Variants in EGFLAM observed in about 807,000 individuals in gnomAD.
EGFLAM encodes the protein pikachurin.
Under a neutral mutation model 113.1 loss-of-function variants are expected in EGFLAM, and 79 were observed. The observed-to-expected ratio is 0.70, with a 90% CI of 0.58 to 0.84. EGFLAM has a LOEUF of 0.84. Among genes scored for constraint, EGFLAM ranks in the 40% least tolerant of loss-of-function variants. The pLI, the probability that EGFLAM is intolerant of heterozygous loss-of-function variation, is 0.00. For synonymous variants in EGFLAM, 504 were observed against 487.6 expected (o/e 1.03, Z -0.44); for missense variants, 1,265 against 1,291.6 (o/e 0.98, Z 0.32).
At chr5:38,380,575 G>A (rs541989826) in intron 6 of EGFLAM, among the ~76,000 whole-genome samples, 1 of 152,314 alleles carries the variant, frequency 6.6e-6, no homozygotes, top group East Asian at 1.9e-4. Flanking sequence ...GGGAACAGTA[G>A]GAGCGATAAA....
intron 9 of EGFLAM, 72 bp downstream of exon 9, chr5:38,407,977 T>TG (rs1741348242): frequency 8.0e-7 from 1 of 1,249,048 alleles, no homozygotes; most frequent in South Asian, 1.2e-5. Flanking sequence ...ATTCAAAGGC[T>TG]GGGGGAGAGG....
intron 5 of EGFLAM, among the ~76,000 whole-genome samples, chr5:38,361,345 A>G (rs541820481): frequency 5.9e-5 from 9 of 152,266 alleles, no homozygotes; most frequent in South Asian, 2.1e-4. Flanking sequence ...TTTACTTGCA[A>G]TACTCAGCAC....
chr5:38,301,604 T>C (rs1758580194), intron 1 of EGFLAM, among the ~76,000 whole-genome samples: 1 of 151,918 alleles, frequency 6.6e-6, no homozygotes, highest in Non-Finnish European at 1.5e-5. Flanking sequence ...CAATAGTAGG[T>C]TTAAGTGATG....
intron 1 of EGFLAM, among the ~76,000 whole-genome samples, chr5:38,274,029 TAA>T (rs770792749): frequency 2.0e-5 from 3 of 151,870 alleles, no homozygotes; most frequent in Non-Finnish European, 2.9e-5. Context: ...AGAGAAATAT[TAA>T]AAAATCAAAT....
intron 1 of EGFLAM, among the ~76,000 whole-genome samples, chr5:38,330,350 C>T (rs900859976): frequency 2.6e-5 from 4 of 152,138 alleles, no homozygotes; most frequent in Non-Finnish European, 5.9e-5. Flanking sequence ...CATGAGAACT[C>T]ATCATTCCAG....
chr5:38,455,256 G>A (rs1319083489), intron 19 of EGFLAM, among the ~76,000 whole-genome samples: 3 of 152,178 alleles, frequency 2.0e-5, no homozygotes, highest in Admixed American at 6.5e-5. Context: ...AGGTATTTCC[G>A]GGTGGCCCAC....
rs183220256 is a variant in EGFLAM at position 38,325,442 on chromosome 5, G to A, written c.98-12078G>A. 2.2e-3 allele frequency among the ~76,000 whole-genome samples: 329 copies of A among 152,298 alleles called. 1 individual carries two copies. The highest frequency in any genetic ancestry group is 7.4e-3 in the African/African-American group (309 of 41,562). Reference sequence around the variant, plus strand: ...ACAAAGGAAACAGACAAAGATGGCAGCAATAACATTTGAGAAACCGAAATG... The same window carrying A: ...ACAAAGGAAACAGACAAAGATGGCAACAATAACATTTGAGAAACCGAAATG... On this transcript the variant is annotated intron_variant, in intron 1 of 21. Transcript: ENST00000322350.
intron 1 of EGFLAM, among the ~76,000 whole-genome samples, chr5:38,268,095 G>A (rs146710365): frequency 4.6e-5 from 7 of 152,248 alleles, no homozygotes; most frequent in Non-Finnish European, 7.4e-5. Flanking sequence ...CGGCAAGATG[G>A]TTTGTTGATT....
At chr5:38,289,455 G>T (rs182594484) in intron 1 of EGFLAM, among the ~76,000 whole-genome samples, 1 of 152,284 alleles carries the variant, frequency 6.6e-6, no homozygotes, top group East Asian at 1.9e-4. Context: ...AACAAATGTG[G>T]TTCATGCTAC....
At chr5:38,421,992 C>T (rs747344654) in intron 12 of EGFLAM, among the ~76,000 whole-genome samples, 4 of 151,918 alleles carry the variant, frequency 2.6e-5, no homozygotes, top group Non-Finnish European at 4.4e-5. Context: ...TGACAAATAA[C>T]GGTGTGATCC....
chr5:38,435,806 C>CTTTTTTTTTTT (rs60461690), intron 16 of EGFLAM, among the ~76,000 whole-genome samples: 2 of 88,924 alleles, frequency 2.2e-5, no homozygotes, highest in Admixed American at 1.4e-4. Flanking sequence ...CCGGCTCTCT[C>CTTTTTTTTTTT]TTTTTTTTTT....
At chr5:38,445,393 C>A in intron 17 of EGFLAM, 4 of 1,078,502 alleles carry the variant, frequency 3.7e-6, no homozygotes, top group Non-Finnish European at 4.9e-6. Context: ...TGTCAGACAG[C>A]TGATTCTAAA....
intron 20 of EGFLAM, chr5:38,461,114 C>T (rs1022009678): frequency 6.6e-6 from 1 of 152,186 alleles, no homozygotes; most frequent in Non-Finnish European, 1.5e-5. Context: ...AGGTATCATG[C>T]CCTGTGCTTT....
intron 1 of EGFLAM, among the ~76,000 whole-genome samples, chr5:38,322,505 C>T (rs986665763): frequency 2.0e-5 from 3 of 152,192 alleles, no homozygotes; most frequent in South Asian, 4.1e-4. Flanking sequence ...AGGAGCTGTT[C>T]CAAGTGGCTG....
At chr5:38,336,592 C>CACACACACACACAG (rs1554048279) in intron 1 of EGFLAM, among the ~76,000 whole-genome samples, 18 of 151,650 alleles carry the variant, frequency 1.2e-4, no homozygotes, top group African/African-American at 4.4e-4. Flanking sequence ...CACACACACA[C>CACACACACACACAG]ACACACAGAC....
intron 20 of EGFLAM, among the ~76,000 whole-genome samples, chr5:38,459,022 C>T (rs527951164): frequency 3.3e-5 from 5 of 151,866 alleles, no homozygotes; most frequent in African/African-American, 1.2e-4. Context: ...ATCCTCCCCC[C>T]TCCCTCTGGC....
At chr5:38,384,384 A>G (rs926851698) in intron 6 of EGFLAM, among the ~76,000 whole-genome samples, 2 of 152,036 alleles carry the variant, frequency 1.3e-5, no homozygotes, top group African/African-American at 4.8e-5. Flanking sequence ...CAGAGACCCC[A>G]CTTACATGCG....
chr5:38,270,297 A>G (rs1440804322), intron 1 of EGFLAM, among the ~76,000 whole-genome samples: 1 of 152,212 alleles, frequency 6.6e-6, no homozygotes, highest in Non-Finnish European at 1.5e-5. Flanking sequence ...GACCACCCAG[A>G]TGACACTCTG....
rs1742179766 is a variant in EGFLAM, at chr5:38,431,274, G to A, written c.2152G>A (p.Glu718Lys). Residue 718 changes from glutamate (E) to lysine (K), a missense_variant, in exon 15 of 22, where the codon GAG (glutamate) becomes AAG (lysine). Transcript: ENST00000322350. ...ILQVDKQKIVEGMAEGGFTQI... is the reference protein window; with the variant it reads ...ILQVDKQKIVKGMAEGGFTQI... ...ACAGGTGGATAAGCAGAAGATAGTG[G>A]AGGGAATGGCAGAGGTAAGAACAGT... 8 of 1,614,100 alleles carry A rather than the reference G, an allele frequency of 5.0e-6. No homozygotes were observed. The highest frequency in any genetic ancestry group is 1.3e-5 in the African/African-American group (1 of 75,038).
Sources: gnomAD v4.1 joint callset for allele counts (sites outside exome capture counted in the v4.1 genomes callset) on GRCh38, gnomAD v4.1.1 for gene constraint, MANE v1.5 for transcripts, NCBI Gene and HGNC (gene_info 2026-07-23, HGNC 2026-07-21) for gene names.